TNR: variants seen among roughly 807,000 people sequenced by gnomAD.
TNR encodes tenascin R, also known as tenascin-R.
A neutral mutation model predicts 150.4 loss-of-function variants in TNR; 45 were observed. The observed-to-expected ratio is 0.30, with a 90% CI of 0.24 to 0.38. The LOEUF (loss-of-function observed/expected upper bound fraction) is 0.38. Among genes scored for constraint, TNR ranks in the 10% least tolerant of loss-of-function variants. The pLI is 1.00. For missense variants in TNR, 1,544 were observed against 1,759.1 expected, an observed-to-expected ratio of 0.88 and a Z score of 2.19; for synonymous variants, 687 against 678.4, an observed-to-expected ratio of 1.01 and a Z score of -0.20.
In TNR at chr1:175,585,213, G is replaced by C. The variant is rs114594613; in HGVS notation, c.-164-56844C>G. Among the ~76,000 whole-genome samples the C allele has an allele frequency of 8.4e-3, 1,282 of 152,300 alleles. 11 individuals carry two copies. Among genetic ancestry groups the C allele is most frequent in the African/African-American group, 0.029 (1,193 of 41,560 alleles). The stretch of plus-strand genomic sequence containing the variant: ...GAATAAAACAAAAAACAGAGGTATG[G>C]AAGATGGAGGAGGGTTAAATAATTT... On this transcript the variant is annotated intron_variant, in intron 1 of 22. Transcript: ENST00000367674.
chr1:175,392,697 A>G (rs960984705), intron 6 of TNR, among the ~76,000 whole-genome samples: 1 of 152,226 alleles, frequency 6.6e-6, no homozygotes, highest in African/African-American at 2.4e-5. Flanking sequence ...ATGACTGTAA[A>G]TAAGAAAATG....
At position 175,438,041 on chromosome 1, in the gene TNR, A is replaced by T. The variant is rs1037219511; in HGVS notation, c.-63-31264T>A. 2.6e-5 allele frequency among the ~76,000 whole-genome samples: 4 copies of T among 152,328 alleles called. No individual in the cohort carries two copies. In the East Asian group the frequency reaches 7.7e-4, roughly 29 times the overall value. On this transcript the variant is annotated intron_variant, in intron 2 of 22. Coordinates refer to ENST00000367674, the MANE Select transcript of TNR (RefSeq NM_003285.3). ...TAACTCATTTTATGAGGCCAGCATA[A>T]TCCAGATACCAAAGCCTGGCAGAGA...
chr1:175,709,519 C>A (rs12047628), intron 1 of TNR, among the ~76,000 whole-genome samples: 8,414 of 152,266 alleles, frequency 0.055, 322 homozygotes, highest in East Asian at 0.17. Context: ...GGAAGTAAAA[C>A]ACATGTGTTG....
At chr1:175,360,878 G>C (rs1651559309) in intron 14 of TNR, among the ~76,000 whole-genome samples, 1 of 152,100 alleles carries the variant, frequency 6.6e-6, no homozygotes, top group Non-Finnish European at 1.5e-5. Context: ...TAAGATCATA[G>C]ACCTCAACGT....
At chr1:175,706,695 G>A (rs1666850638) in intron 1 of TNR, among the ~76,000 whole-genome samples, 2 of 152,060 alleles carry the variant, frequency 1.3e-5, no homozygotes, top group South Asian at 4.2e-4. Context: ...CATTCCCTAT[G>A]ACCCTTCCAT....
intron 1 of TNR, among the ~76,000 whole-genome samples, chr1:175,734,506 A>G (rs1388581148): frequency 3.9e-5 from 6 of 152,220 alleles, no homozygotes; most frequent in African/African-American, 1.4e-4. Flanking sequence ...CAGCATGGGC[A>G]GCAGGGGATG....
At position 175,413,672 on chromosome 1, in the gene TNR, T is replaced by C. The variant is rs536112410; in HGVS notation, c.-63-6895A>G. ...AACCAAAATAGACCAGTTAAAGAGA[T>C]AAAATGGTGGATAGGAGAAGCAGGA... On this transcript the variant is annotated intron_variant, in intron 2 of 22. Coordinates refer to ENST00000367674, the MANE Select transcript of TNR (RefSeq NM_003285.3). 0.014 allele frequency among the ~76,000 whole-genome samples: 12 copies of C among 880 alleles called. No homozygotes were observed. In the East Asian group the frequency reaches 0.25, roughly 18 times the overall value. 0.6% of individuals were successfully genotyped at this position (880 alleles called of 152,430 possible).
At chr1:175,528,778 A>G (rs1659946876) in intron 1 of TNR, among the ~76,000 whole-genome samples, 1 of 152,078 alleles carries the variant, frequency 6.6e-6, no homozygotes, top group Non-Finnish European at 1.5e-5. Context: ...TTATGTCCTT[A>G]ATGTCCTTGG....
At chr1:175,324,950 G>A (rs748010699) in intron 21 of TNR, among the ~76,000 whole-genome samples, 24 of 152,172 alleles carry the variant, frequency 1.6e-4, no homozygotes, top group Non-Finnish European at 2.9e-4. Flanking sequence ...GGCTTACCAG[G>A]CCTGCTCAGA....
intron 2 of TNR, among the ~76,000 whole-genome samples, chr1:175,511,310 A>AT (rs1431188507): frequency 2.0e-5 from 3 of 152,240 alleles, no homozygotes; most frequent in Non-Finnish European, 1.5e-5. Context: ...ATTTCATTAA[A>AT]TTGTGTTTTC....
At chr1:175,612,312 C>T (rs187785356) in intron 1 of TNR, among the ~76,000 whole-genome samples, 39 of 152,326 alleles carry the variant, frequency 2.6e-4, no homozygotes, top group Non-Finnish European at 5.9e-5. Context: ...GCCCTCAAAG[C>T]TCTCAATGAC....
At chr1:175,450,672 C>T (rs1429577577) in intron 2 of TNR, among the ~76,000 whole-genome samples, 1 of 152,236 alleles carries the variant, frequency 6.6e-6, no homozygotes, top group Non-Finnish European at 1.5e-5. Flanking sequence ...AAGTGCTCAG[C>T]ACATTTTGTC....
At chr1:175,396,497 A>G (rs764289032) in intron 5 of TNR, 47 bp downstream of exon 5, 2 of 1,592,030 alleles carry the variant, frequency 1.3e-6, no homozygotes, top group Admixed American at 1.7e-5. Context: ...CCATGATCTC[A>G]TGTAGGAGAA....
chr1:175,614,912 G>A (rs1270867498), intron 1 of TNR, among the ~76,000 whole-genome samples: 1 of 152,196 alleles, frequency 6.6e-6, no homozygotes, highest in African/African-American at 2.4e-5. Flanking sequence ...TGACAATGAA[G>A]CAATGAGCAA....
At chr1:175,471,174 G>A (rs573301500) in intron 2 of TNR, among the ~76,000 whole-genome samples, 2 of 152,172 alleles carry the variant, frequency 1.3e-5, no homozygotes, top group Admixed American at 6.5e-5. Flanking sequence ...AAGTTAACAC[G>A]CCGGGCTGAG....
At chr1:175,687,259 C>A (rs928395358) in intron 1 of TNR, among the ~76,000 whole-genome samples, 2 of 152,182 alleles carry the variant, frequency 1.3e-5, no homozygotes, top group Admixed American at 6.5e-5. Context: ...TTTCCACTGA[C>A]AAGCACCATC....
At chr1:175,643,199 C>T (rs1240458811) in intron 1 of TNR, among the ~76,000 whole-genome samples, 1 of 152,156 alleles carries the variant, frequency 6.6e-6, no homozygotes, top group African/African-American at 2.4e-5. Context: ...TAATGTTGGT[C>T]CCTCACACCC....
At chr1:175,546,151 A>G (rs1660677515) in intron 1 of TNR, among the ~76,000 whole-genome samples, 1 of 152,228 alleles carries the variant, frequency 6.6e-6, no homozygotes, top group African/African-American at 2.4e-5. Context: ...GAAGAATCAA[A>G]GGACAGGAAC....
intron 1 of TNR, among the ~76,000 whole-genome samples, chr1:175,564,750 A>G (rs1571614110): frequency 6.6e-6 from 1 of 152,126 alleles, no homozygotes; most frequent in South Asian, 2.1e-4. Context: ...GCCCTTCTGC[A>G]TTCTTGCTGT....
Sources: allele counts gnomAD v4.1 joint callset (sites outside exome capture counted in the v4.1 genomes callset), GRCh38; gene constraint gnomAD v4.1.1; transcripts MANE v1.5; gene names NCBI Gene and HGNC (gene_info 2026-07-23, HGNC 2026-07-21).